Variants in AXDND1 observed in about 807,000 individuals in gnomAD.
AXDND1 encodes axonemal dynein light chain domain-containing protein 1.
A neutral mutation model predicts 137.5 loss-of-function variants in AXDND1; 110 were observed. The ratio of observed to expected loss-of-function variants is 0.80; its 90% CI spans 0.69 to 0.94. The LOEUF is 0.94. Ranked by LOEUF, AXDND1 falls within the 40% of genes least tolerant of loss-of-function variation. The pLI is 0.00. For missense variants in AXDND1, 1,191 were observed against 1,169.8 expected (o/e 1.02, Z -0.26); for synonymous variants, 414 against 399.7 (o/e 1.04, Z -0.43).
At chr1:179,546,495 ACTT>A (rs111990625) in intron 25 of AXDND1, among the ~76,000 whole-genome samples, 4,537 of 151,826 alleles carry the variant, frequency 0.03, 213 homozygotes, top group African/African-American at 0.1. Flanking sequence ...GGAGGGAGGA[ACTT>A]CTGCTGCTCA....
At chr1:179,481,090 C>A (rs1257066209) in intron 17 of AXDND1, among the ~76,000 whole-genome samples, 1 of 151,750 alleles carries the variant, frequency 6.6e-6, no homozygotes, top group Non-Finnish European at 1.5e-5. Flanking sequence ...CCCATTAACT[C>A]ATCATTTATA....
chr1:179,438,251 C>T (rs1014429703), intron 15 of AXDND1, among the ~76,000 whole-genome samples: 1 of 152,186 alleles, frequency 6.6e-6, no homozygotes, highest in Non-Finnish European at 1.5e-5. Context: ...CAAGGTCCCA[C>T]AGATACTTTG....
At chr1:179,417,471 T>C (rs1024380103) in intron 12 of AXDND1, among the ~76,000 whole-genome samples, 8 of 152,168 alleles carry the variant, frequency 5.3e-5, no homozygotes, top group Non-Finnish European at 1.2e-4. Flanking sequence ...AAGGAGTTGT[T>C]TTAGTTTCAG....
intron 15 of AXDND1, among the ~76,000 whole-genome samples, chr1:179,443,806 ATCT>A (rs150543505): frequency 0.015 from 2,282 of 152,290 alleles, 28 homozygotes; most frequent in South Asian, 0.025. Context: ...TAATAACATA[ATCT>A]TTAAGGGGTC....
Position 179,378,720 on chromosome 1 carries a change from C to T in AXDND1, c.458C>T (p.Ser153Leu). The change falls in exon 5 of 26, where the codon TCA becomes TTA. Residue 153 changes from serine to leucine, a missense_variant. Physicochemically the swap from Ser to Leu is moderately radical, Grantham distance 145 (BLOSUM62 -2). Coordinates refer to ENST00000367618, the MANE Select transcript of AXDND1 (RefSeq NM_144696.6). Reference protein sequence around the residue: ...KAVCPPHLARSLQSHDGVIVP... With the variant: ...KAVCPPHLARLLQSHDGVIVP... The stretch of plus-strand genomic sequence containing the variant: ...GTTTGTCCCCCACATTTGGCCCGTT[C>T]ATTACAGTCACATGATGGTGTCATT... The T allele has an allele frequency of 6.3e-7, 1 of 1,588,460 alleles. No homozygotes were observed. Among genetic ancestry groups the T allele is most frequent in the South Asian group, 1.2e-5 (1 of 85,572 alleles).
chr1:179,533,626 C>CT (rs66461504), intron 23 of AXDND1, among the ~76,000 whole-genome samples, 169 bp from the exon 24 acceptor site: 1,365 of 136,198 alleles, frequency 0.01, 10 homozygotes, highest in African/African-American at 0.013. Context: ...GAGACAATCC[C>CT]TTTTTTTTTT....
intron 17 of AXDND1, among the ~76,000 whole-genome samples, chr1:179,482,098 A>ATTTTTTTTTTTTTTTTTTTTTTTTTTT (rs57145549): frequency 9.3e-6 from 1 of 108,070 alleles, no homozygotes; most frequent in African/African-American, 3.9e-5. Flanking sequence ...GAGCTTTTTA[A>ATTTTTTTTTTTTTTTTTTTTTTTTTTT]TTTTTTTTTT....
At chr1:179,391,066 A>G (rs12125826) in intron 9 of AXDND1, among the ~76,000 whole-genome samples, 17,404 of 150,420 alleles carry the variant, frequency 0.12, 1,179 homozygotes, top group East Asian at 0.35. Context: ...TCGGGCCCCC[A>G]AAGTGTTGGG....
Position 179,448,155 on chromosome 1 carries a change from T to A in AXDND1, c.1798+2951T>A, listed in dbSNP as rs1035852375. The A allele has an allele frequency of 3.2e-6, 3 of 949,180 alleles. No individual in the cohort carries two copies. In the African/African-American group the frequency reaches 4.8e-5, roughly 15 times the overall value. The allele number at this position is 949,180 out of a possible 1,614,324, so 58.8% of individuals were successfully genotyped here. On this transcript the variant is annotated intron_variant, in intron 16 of 25. Transcript: ENST00000367618. ...AGTTAGCACACATGAAGTATCAGGG[T>A]CTGAGCTGTCGCACCCTCTGTGTTC...
intron 21 of AXDND1, among the ~76,000 whole-genome samples, chr1:179,514,275 T>C (rs1056435546): frequency 2.0e-5 from 3 of 152,192 alleles, no homozygotes; most frequent in African/African-American, 7.2e-5. Flanking sequence ...AGTGTCATTA[T>C]TGTTGTTCAG....
chr1:179,525,014 C>T (rs1670400827), intron 21 of AXDND1, among the ~76,000 whole-genome samples: 1 of 152,170 alleles, frequency 6.6e-6, no homozygotes, highest in Admixed American at 6.6e-5. Context: ...AGAGCTGCTT[C>T]TTTTCCTTCC....
chr1:179,522,950 T>C (rs7551440), intron 21 of AXDND1, among the ~76,000 whole-genome samples: 74,548 of 150,400 alleles, frequency 0.5, 18,762 homozygotes, highest in East Asian at 0.56. Flanking sequence ...TGCATTTTCC[T>C]ATTGTGGGCA....
At chr1:179,553,905 C>G (rs1204578107) in intron 25 of AXDND1, among the ~76,000 whole-genome samples, 1 of 143,828 alleles carries the variant, frequency 7.0e-6, no homozygotes, top group Admixed American at 7.2e-5. Flanking sequence ...GCCAACACCC[C>G]TGGCTAATTT....
chr1:179,407,635 G>A (rs567981140), intron 11 of AXDND1, among the ~76,000 whole-genome samples: 8 of 152,076 alleles, frequency 5.3e-5, no homozygotes, highest in Non-Finnish European at 1.2e-4. Context: ...GTAACTTGAT[G>A]TTTTTCTCTT....
chr1:179,460,838 A>G (rs1372754466), intron 16 of AXDND1, among the ~76,000 whole-genome samples: 1 of 152,242 alleles, frequency 6.6e-6, no homozygotes, highest in Non-Finnish European at 1.5e-5. Flanking sequence ...TGTTGGCTGC[A>G]TAAATGTATT....
At chr1:179,406,913 T>C (rs1483813347) in intron 11 of AXDND1, among the ~76,000 whole-genome samples, 1 of 152,142 alleles carries the variant, frequency 6.6e-6, no homozygotes, top group Non-Finnish European at 1.5e-5. Flanking sequence ...ATATTCTGAT[T>C]ATTTTGTATA....
At chr1:179,549,986 A>T (rs1558334214) in intron 25 of AXDND1, among the ~76,000 whole-genome samples, 1 of 151,996 alleles carries the variant, frequency 6.6e-6, no homozygotes, top group Admixed American at 6.6e-5. Context: ...TGTTTCTGAC[A>T]CCATACTCCT....
intron 25 of AXDND1, chr1:179,545,282 G>T (rs1444499998): frequency 3.9e-5 from 6 of 152,136 alleles, no homozygotes; most frequent in African/African-American, 1.4e-4. Flanking sequence ...TAGAATTTTA[G>T]ACCTTTACCT....
intron 9 of AXDND1, among the ~76,000 whole-genome samples, chr1:179,389,456 G>A (rs1281914063): frequency 3.3e-5 from 5 of 152,138 alleles, no homozygotes. Flanking sequence ...ATGAATCCAG[G>A]ATGCTTTCTG....
Sources: allele counts gnomAD v4.1 joint callset (sites outside exome capture counted in the v4.1 genomes callset), GRCh38; gene constraint gnomAD v4.1.1; transcripts MANE v1.5; gene names NCBI Gene and HGNC (gene_info 2026-07-23, HGNC 2026-07-21).